Variants in HMCN1 observed in about 807,000 individuals in gnomAD.
HMCN1 encodes hemicentin 1.
HMCN1 carries 321 observed loss-of-function variants against 625.9 expected under a neutral mutation model. That is an observed-to-expected ratio of 0.51 (90% CI 0.47 to 0.56). The LOEUF (loss-of-function observed/expected upper bound fraction) is 0.56. Ranked by LOEUF, HMCN1 falls within the 20% of genes least tolerant of loss-of-function variation. The pLI, the probability that HMCN1 is intolerant of heterozygous loss-of-function variation, is 0.00. For synonymous variants in HMCN1, 2,425 were observed against 2,417.6 expected (o/e 1.00, Z -0.09); for missense variants, 6,588 against 6,887.3 (o/e 0.96, Z 1.54).
chr1:185,955,817 C>G (rs541501323), intron 11 of HMCN1, among the ~76,000 whole-genome samples: 1 of 152,152 alleles, frequency 6.6e-6, no homozygotes, highest in South Asian at 2.1e-4. Context: ...ACTGCTTGAC[C>G]CTAGCCCTTC....
At chr1:185,810,133 C>G (rs1207050603) in intron 1 of HMCN1, among the ~76,000 whole-genome samples, 7 of 152,048 alleles carry the variant, frequency 4.6e-5, no homozygotes, top group Non-Finnish European at 7.4e-5. Context: ...TTATTTAAGC[C>G]TTCATCACAC....
Position 185,937,813 on chromosome 1 carries a change from G to A in HMCN1, c.1828+3989G>A, listed in dbSNP as rs568689038. On this transcript the variant is annotated intron_variant, in intron 11 of 106. Coordinates refer to ENST00000271588, the MANE Select transcript of HMCN1 (RefSeq NM_031935.3). ...GGAGAATTGCTTGAACTTGGGAGGC[G>A]GAGGTTGCTGTGAGTCAAGATCACG... Among the ~76,000 whole-genome samples, 19 of 151,510 alleles carry A rather than the reference G, an allele frequency of 1.3e-4. No individual in the cohort carries two copies. The East Asian group carries it at 2.5e-3, about 20-fold the overall frequency.
chr1:185,958,887 G>A (rs1649817090), intron 11 of HMCN1, among the ~76,000 whole-genome samples: 1 of 152,200 alleles, frequency 6.6e-6, no homozygotes, highest in Non-Finnish European at 1.5e-5. Flanking sequence ...TACCCGGCAT[G>A]TAATAGGCAC....
At chr1:186,077,538 A>G (rs1658900481) in intron 54 of HMCN1, among the ~76,000 whole-genome samples, 1 of 152,184 alleles carries the variant, frequency 6.6e-6, no homozygotes, top group Non-Finnish European at 1.5e-5. Flanking sequence ...TTATATACAT[A>G]TGACAGAGAG....
intron 97 of HMCN1, among the ~76,000 whole-genome samples, chr1:186,159,160 T>G (rs568407411): frequency 8.6e-4 from 131 of 151,908 alleles, no homozygotes; most frequent in African/African-American, 3.0e-3. Flanking sequence ...CCTTGTAAGT[T>G]GGATTCCTAG....
chr1:186,081,580 C>T (rs1395738913), intron 56 of HMCN1, among the ~76,000 whole-genome samples, 186 bp downstream of exon 56: 1 of 152,114 alleles, frequency 6.6e-6, no homozygotes, highest in Non-Finnish European at 1.5e-5. Flanking sequence ...CCAGAGGTTA[C>T]CACTGTTAAT....
chr1:185,760,763 C>A (rs1571314689), intron 1 of HMCN1, among the ~76,000 whole-genome samples: 1 of 152,206 alleles, frequency 6.6e-6, no homozygotes, highest in Middle Eastern at 3.4e-3. Flanking sequence ...GCTTGTTGAA[C>A]AATTAGTATG....
intron 1 of HMCN1, among the ~76,000 whole-genome samples, chr1:185,780,512 T>A (rs1656995618): frequency 6.6e-6 from 1 of 152,132 alleles, no homozygotes; most frequent in South Asian, 2.1e-4. Context: ...ATTATTTTGA[T>A]GTACATCCCA....
intron 1 of HMCN1, among the ~76,000 whole-genome samples, chr1:185,772,394 A>G (rs1299366882): frequency 6.6e-6 from 1 of 152,148 alleles, no homozygotes; most frequent in Non-Finnish European, 1.5e-5. Context: ...AGAAGAGAAC[A>G]AATTCATGGA....
chr1:186,164,341 G>A (rs749106273), intron 97 of HMCN1, among the ~76,000 whole-genome samples: 6 of 150,704 alleles, frequency 4.0e-5, no homozygotes, highest in Non-Finnish European at 5.9e-5. Context: ...CTGGGTTCAC[G>A]CCATTCTGCT....
intron 45 of HMCN1, among the ~76,000 whole-genome samples, chr1:186,056,408 C>T (rs1164053942): frequency 6.6e-6 from 1 of 151,848 alleles, no homozygotes; most frequent in South Asian, 2.1e-4. Context: ...TTTAGGAAAT[C>T]TTTTCCTATA....
intron 1 of HMCN1, among the ~76,000 whole-genome samples, chr1:185,811,454 A>G (rs1659509690): frequency 6.6e-6 from 1 of 152,110 alleles, no homozygotes; most frequent in Admixed American, 6.6e-5. Flanking sequence ...AAAGTTAGCC[A>G]GATGCAGTGT....
chr1:185,875,901 T>C (rs1330182988), intron 4 of HMCN1, among the ~76,000 whole-genome samples: 1 of 152,098 alleles, frequency 6.6e-6, no homozygotes, highest in Non-Finnish European at 1.5e-5. Flanking sequence ...TTTTCTGTCC[T>C]ATTCACATTA....
rs554475611 is a variant in HMCN1 at position 186,101,934 on chromosome 1, G to T, written c.10574-1538G>T. Among the ~76,000 whole-genome samples the T allele has an allele frequency of 7.2e-5, 11 of 152,228 alleles. 1 individual carries two copies. The East Asian group carries it at 1.4e-3, about 19-fold the overall frequency. On this transcript the variant is annotated intron_variant, in intron 68 of 106. Coordinates refer to ENST00000271588, the MANE Select transcript of HMCN1 (RefSeq NM_031935.3). ...TCAGAGAATCAATAAATGATTTATAGTTTTCACAAATGAACTTGAGGACAA... is the reference window on the plus strand; with the variant it reads ...TCAGAGAATCAATAAATGATTTATATTTTTCACAAATGAACTTGAGGACAA...
intron 103 of HMCN1, among the ~76,000 whole-genome samples, 197 bp downstream of exon 103, chr1:186,174,839 T>G (rs1220589614): frequency 6.6e-6 from 1 of 152,200 alleles, no homozygotes; most frequent in African/African-American, 2.4e-5. Context: ...TACACTGACA[T>G]TTCAAGTGAT....
At chr1:186,068,155 C>T in intron 50 of HMCN1, 148 bp downstream of exon 50, 1 of 777,748 alleles carries the variant, frequency 1.3e-6, no homozygotes, top group Non-Finnish European at 2.2e-6. Flanking sequence ...AGGCCACAGG[C>T]TGGTCCCAGT....
chr1:185,801,731 G>A (rs1658808736), intron 1 of HMCN1, among the ~76,000 whole-genome samples: 1 of 152,186 alleles, frequency 6.6e-6, no homozygotes, highest in Admixed American at 6.5e-5. Context: ...AACGGACAGA[G>A]AGGAAAGGTC....
At chr1:185,923,294 A>T in intron 7 of HMCN1, 96 bp from the exon 8 acceptor site, 11 of 956,182 alleles carry the variant, frequency 1.2e-5, no homozygotes, top group Non-Finnish European at 1.8e-5. Flanking sequence ...AGGCATCCTT[A>T]TGGTACTCAT....
intron 25 of HMCN1, among the ~76,000 whole-genome samples, chr1:185,999,533 A>C (rs896295460): frequency 6.6e-6 from 1 of 152,160 alleles, no homozygotes; most frequent in East Asian, 1.9e-4. Context: ...CAAAAGATGC[A>C]TGAACAGTAG....
Sources: allele counts gnomAD v4.1 joint callset (sites outside exome capture counted in the v4.1 genomes callset), GRCh38; gene constraint gnomAD v4.1.1; transcripts MANE v1.5; gene names NCBI Gene and HGNC (gene_info 2026-07-23, HGNC 2026-07-21).